Variants in CDKL3 observed in about 807,000 individuals in gnomAD.
CDKL3 encodes the protein cyclin-dependent kinase-like 3.
Under a neutral mutation model 69.3 loss-of-function variants are expected in CDKL3, and 65 were observed. That is an observed-to-expected ratio of 0.94 (90% CI 0.77 to 1.15). The LOEUF is 1.15. Ranked by LOEUF, CDKL3 falls within the 50% of genes most tolerant of loss-of-function variation. The probability of loss-of-function intolerance (pLI) is 0.00; values close to 1 mark genes in which losing one functional copy is unlikely to be tolerated. For synonymous variants in CDKL3, 202 were observed against 221.6 expected, an observed-to-expected ratio of 0.91 and a Z score of 0.79; for missense variants, 652 against 689.2, an observed-to-expected ratio of 0.95 and a Z score of 0.61.
downstream of CDKL3, among the ~76,000 whole-genome samples, chr5:134,283,484 G>A (rs575632139): frequency 9.2e-5 from 14 of 152,096 alleles, no homozygotes; most frequent in Non-Finnish European, 1.6e-4. Flanking sequence ...GCAGGATAAC[G>A]CCCCCTTGTA....
chr5:134,322,865 G>A (rs1291853732), intron 4 of CDKL3, among the ~76,000 whole-genome samples: 2 of 152,084 alleles, frequency 1.3e-5, no homozygotes, highest in African/African-American at 4.8e-5. Context: ...TGTAATCCCA[G>A]TTACTCAGGA....
chr5:134,371,389 A>G (rs902751443), upstream of CDKL3: 13 of 689,882 alleles, frequency 1.9e-5, 1 homozygote, highest in South Asian at 3.7e-5. Flanking sequence ...CTCCTCCCCC[A>G]GCACTCACAC....
chr5:134,334,008 G>A (rs1776445130), intron 4 of CDKL3, among the ~76,000 whole-genome samples: 1 of 152,184 alleles, frequency 6.6e-6, no homozygotes, highest in African/African-American at 2.4e-5. Flanking sequence ...GGTCTATTCA[G>A]AGATTCAACA....
chr5:134,315,992 C>T (rs1414359883), intron 6 of CDKL3, among the ~76,000 whole-genome samples: 1 of 152,182 alleles, frequency 6.6e-6, no homozygotes, highest in Non-Finnish European at 1.5e-5. Flanking sequence ...CACTCTGTTG[C>T]CCAGGCTGGA....
In CDKL3 at chr5:134,308,457, T is replaced by A; in HGVS notation, c.1045A>T (p.Lys349Ter). ...SSSVLGKEIEKEKKPKEIKVR... is the reference protein window; with the variant it reads ...SSSVLGKEIE ...TTGATCTCCTTGGGCTTTTTCTCTT[T>A]TTCTATTTCCTGGAATAGATACATC... Residue 349 changes from lysine (K) to a stop codon, truncating the protein, a stop_gained, in exon 9 of 13, where the codon AAA (lysine) becomes TAA (stop). Coordinates refer to ENST00000265334, the MANE Select transcript of CDKL3 (RefSeq NM_001113575.2). LOFTEE classifies it high-confidence loss of function. The A allele has an allele frequency of 6.3e-7, 1 of 1,599,930 alleles. No individual in the cohort carries two copies. Among genetic ancestry groups the A allele is most frequent in the Non-Finnish European group, 8.5e-7 (1 of 1,175,364 alleles).
At chr5:134,310,548 T>C (rs974967005) in intron 7 of CDKL3, among the ~76,000 whole-genome samples, 5 of 151,980 alleles carry the variant, frequency 3.3e-5, no homozygotes, top group East Asian at 3.9e-4. Context: ...AGTGCAGTGG[T>C]GTGATCTCAG....
At chr5:134,313,100 T>G (rs1005678079) in intron 6 of CDKL3, among the ~76,000 whole-genome samples, 1 of 152,200 alleles carries the variant, frequency 6.6e-6, no homozygotes, top group Admixed American at 6.5e-5. Flanking sequence ...TAGTTAACTT[T>G]TTTGTAGAGA....
chr5:134,329,618 C>T (rs992870107), intron 4 of CDKL3, among the ~76,000 whole-genome samples: 4 of 151,328 alleles, frequency 2.6e-5, no homozygotes, highest in African/African-American at 9.7e-5. Context: ...TACAGGCACC[C>T]GCCACTACGC....
intron 8 of CDKL3, among the ~76,000 whole-genome samples, chr5:134,288,008 C>T (rs1403255299): frequency 6.6e-6 from 1 of 151,666 alleles, no homozygotes; most frequent in Non-Finnish European, 1.5e-5. Flanking sequence ...GATTCTCCTG[C>T]CTCAGCCTCC....
At chr5:134,304,364 T>C in intron 11 of CDKL3, 41 bp downstream of exon 11, 1 of 1,438,264 alleles carries the variant, frequency 7.0e-7, no homozygotes, top group Middle Eastern at 1.9e-4. Context: ...ATCTTATAAA[T>C]GATATCATCA....
At chr5:134,283,779 G>A (rs1372208485), downstream of CDKL3, among the ~76,000 whole-genome samples, 1 of 152,038 alleles carries the variant, frequency 6.6e-6, no homozygotes, top group African/African-American at 2.4e-5. Context: ...TGCCTTATCT[G>A]AGATAAGGCA....
downstream of CDKL3, among the ~76,000 whole-genome samples, chr5:134,297,856 C>T (rs1481349118): frequency 6.8e-6 from 1 of 148,142 alleles, no homozygotes; most frequent in Non-Finnish European, 1.5e-5. Context: ...TGCTGGATTA[C>T]AGGCATGAGC....
chr5:134,297,703 TC>T (rs1765430867), downstream of CDKL3, among the ~76,000 whole-genome samples: 1 of 151,548 alleles, frequency 6.6e-6, no homozygotes, highest in African/African-American at 2.4e-5. Flanking sequence ...TGCTTCAGCC[TC>T]CCGAGTAGCT....
At chr5:134,360,862 A>T (rs1459764409) in intron 2 of CDKL3, among the ~76,000 whole-genome samples, 1 of 152,208 alleles carries the variant, frequency 6.6e-6, no homozygotes, top group Non-Finnish European at 1.5e-5. Context: ...GTAAACCATA[A>T]GTTCTAGGGA....
chr5:134,327,302 A>G (rs1016097462), intron 4 of CDKL3, among the ~76,000 whole-genome samples: 3 of 152,140 alleles, frequency 2.0e-5, no homozygotes, highest in Non-Finnish European at 2.9e-5. Flanking sequence ...AAGCAAGCTG[A>G]GGGGACCTCA....
intron 6 of CDKL3, among the ~76,000 whole-genome samples, chr5:134,316,281 A>T (rs544731313): frequency 1.3e-5 from 2 of 152,326 alleles, no homozygotes; most frequent in Admixed American, 6.5e-5. Flanking sequence ...TAAAAAAAAT[A>T]AAACAAATGC....
intron 2 of CDKL3, among the ~76,000 whole-genome samples, chr5:134,366,100 T>C (rs558423375): frequency 9.9e-5 from 15 of 152,218 alleles, no homozygotes; most frequent in Non-Finnish European, 1.8e-4. Context: ...GCCTTGCACA[T>C]AGCAGAAATT....
chr5:134,294,743 G>A (rs182770421), downstream of CDKL3, among the ~76,000 whole-genome samples: 427 of 152,146 alleles, frequency 2.8e-3, 1 homozygote, highest in Non-Finnish European at 3.5e-3. Flanking sequence ...GAACTAATAA[G>A]TGAATTTAGC....
At chr5:134,336,491 A>G (rs965447337) in intron 4 of CDKL3, among the ~76,000 whole-genome samples, 7 of 152,030 alleles carry the variant, frequency 4.6e-5, no homozygotes, top group African/African-American at 1.7e-4. Context: ...GATGTTGGTG[A>G]CCTGTGGATG....
Sources: allele counts gnomAD v4.1 joint callset (sites outside exome capture counted in the v4.1 genomes callset), GRCh38; gene constraint gnomAD v4.1.1; transcripts MANE v1.5; gene names NCBI Gene and HGNC (gene_info 2026-07-23, HGNC 2026-07-21).